Variants in CSMD1 observed in about 807,000 individuals in gnomAD.
CSMD1 encodes CUB and sushi domain-containing protein 1.
A neutral mutation model predicts 417.5 loss-of-function variants in CSMD1; 213 were observed. The ratio of observed to expected loss-of-function variants is 0.51; its 90% confidence interval spans 0.46 to 0.57. The LOEUF (loss-of-function observed/expected upper bound fraction) is 0.57, where lower values mean the gene tolerates loss of function less well. CSMD1 is among the 20% of genes least tolerant of loss of function. CSMD1 has a pLI of 0.00. For missense variants in CSMD1, 6,923 were observed against 4,529.7 expected, an observed-to-expected ratio of 1.53 and a Z score of -15.17; for synonymous variants, 2,862 against 1,736.8, an observed-to-expected ratio of 1.65 and a Z score of -16.11.
intron 6 of CSMD1, among the ~76,000 whole-genome samples, chr8:3,720,620 TACACACACACACACACAC>T (rs1554520854): frequency 7.0e-6 from 1 of 143,322 alleles, no homozygotes; most frequent in African/African-American, 2.6e-5. Context: ...TCTTTATTCT[TACACACACACACACACAC>T]ACACACACAC....
intron 5 of CSMD1, among the ~76,000 whole-genome samples, chr8:3,801,945 A>G (rs1255489230): frequency 6.6e-6 from 1 of 152,144 alleles, no homozygotes; most frequent in Non-Finnish European, 1.5e-5. Context: ...GGTAGAACAG[A>G]AAATGACTGA....
At chr8:4,785,420 C>A (rs1273899506) in intron 1 of CSMD1, among the ~76,000 whole-genome samples, 1 of 152,058 alleles carries the variant, frequency 6.6e-6, no homozygotes, top group Non-Finnish European at 1.5e-5. Flanking sequence ...CCAAAATGCC[C>A]CCACAGTGGG....
intron 5 of CSMD1, among the ~76,000 whole-genome samples, chr8:3,926,327 C>A (rs1174380688): frequency 6.6e-6 from 1 of 152,112 alleles, no homozygotes; most frequent in East Asian, 1.9e-4. Flanking sequence ...CAATCTATTA[C>A]ACACTATTTA....
At chr8:3,438,328 C>A (rs551039243) in intron 12 of CSMD1, among the ~76,000 whole-genome samples, 1 of 152,132 alleles carries the variant, frequency 6.6e-6, no homozygotes, top group South Asian at 2.1e-4. Flanking sequence ...ATAACATCAC[C>A]ACCAGTATAC....
chr8:4,232,314 T>C (rs78554847), intron 3 of CSMD1, among the ~76,000 whole-genome samples: 44 of 152,250 alleles, frequency 2.9e-4, no homozygotes, highest in African/African-American at 1.0e-3. Context: ...TTCTCCTGTC[T>C]CAGCCTCCCT....
chr8:4,105,295 C>A (rs1336323521), intron 3 of CSMD1, among the ~76,000 whole-genome samples: 1 of 151,930 alleles, frequency 6.6e-6, no homozygotes, highest in Admixed American at 6.6e-5. Context: ...ATTTTAACTT[C>A]ATTTCATTGC....
intron 1 of CSMD1, among the ~76,000 whole-genome samples, chr8:4,820,033 G>A (rs1414749817): frequency 2.6e-5 from 4 of 152,036 alleles, no homozygotes; most frequent in Non-Finnish European, 5.9e-5. Flanking sequence ...CCAATTCCAT[G>A]CTTCTCTTCC....
chr8:3,296,802 G>A (rs942469408), intron 25 of CSMD1, among the ~76,000 whole-genome samples: 13 of 152,106 alleles, frequency 8.5e-5, no homozygotes, highest in Admixed American at 4.6e-4. Flanking sequence ...ACTGAGAAAC[G>A]GTGCAGTATG....
chr8:4,146,592 ACATTTTTTTTTTT>A lies in CSMD1; in HGVS notation c.416-114506_416-114494del, dbSNP rs1483753515. 5.1e-3 allele frequency among the ~76,000 whole-genome samples: 292 copies of A among 56,888 alleles called. 21 individuals carry two copies. Among genetic ancestry groups the A allele is most frequent in the African/African-American group, 0.012 (275 of 22,834 alleles). 37.3% of individuals were successfully genotyped at this position (56,888 alleles called of 152,430 possible). On this transcript the variant is annotated intron_variant, in intron 3 of 69. Coordinates refer to ENST00000635120, the MANE Select transcript of CSMD1 (RefSeq NM_033225.6). ...TATCTGTCTAAATGTTTATATGGAC[ACATTTTTTTTTTT>A]TTTTTTTTTTTTTTTTTTTTTTTTG...
intron 6 of CSMD1, among the ~76,000 whole-genome samples, chr8:3,731,416 T>G (rs990354437): frequency 2.6e-5 from 4 of 152,150 alleles, no homozygotes; most frequent in African/African-American, 9.7e-5. Flanking sequence ...AGTGTGGGAT[T>G]CTTTACCTGG....
chr8:4,771,389 T>G (rs373792750), intron 1 of CSMD1, among the ~76,000 whole-genome samples: 1 of 152,356 alleles, frequency 6.6e-6, no homozygotes, highest in African/African-American at 2.4e-5. Flanking sequence ...ATTGCATTGC[T>G]ACTGCAGAGA....
chr8:3,482,743 T>G (rs935344213), intron 11 of CSMD1, among the ~76,000 whole-genome samples: 1 of 152,186 alleles, frequency 6.6e-6, no homozygotes, highest in African/African-American at 2.4e-5. Flanking sequence ...TAATAGATCT[T>G]GACATATTCA....
intron 5 of CSMD1, among the ~76,000 whole-genome samples, chr8:3,792,635 G>C (rs146028067): frequency 1.7e-3 from 259 of 152,248 alleles, no homozygotes; most frequent in African/African-American, 6.0e-3. Context: ...CAGGCAGTAA[G>C]TTAATCATTT....
intron 1 of CSMD1, among the ~76,000 whole-genome samples, chr8:4,993,769 G>A (rs1018329260): frequency 2.0e-5 from 3 of 152,214 alleles, no homozygotes; most frequent in African/African-American, 4.8e-5. Flanking sequence ...ACTCCTCGCC[G>A]GCTGAGGACG....
At chr8:4,578,156 A>G (rs1217973314) in intron 2 of CSMD1, among the ~76,000 whole-genome samples, 17 of 151,882 alleles carry the variant, frequency 1.1e-4, no homozygotes, top group Admixed American at 8.5e-4. Flanking sequence ...AGGCTGATAA[A>G]AGAGCATTTT....
intron 3 of CSMD1, among the ~76,000 whole-genome samples, chr8:4,393,079 G>C (rs569871498): frequency 6.6e-6 from 1 of 152,072 alleles, no homozygotes; most frequent in African/African-American, 2.4e-5. Flanking sequence ...GGGTTCAAGC[G>C]ATTCTCGTGC....
chr8:4,127,948 C>T (rs1411943814), intron 3 of CSMD1, among the ~76,000 whole-genome samples: 2 of 152,182 alleles, frequency 1.3e-5, no homozygotes, highest in Non-Finnish European at 2.9e-5. Flanking sequence ...ACTATTCTGT[C>T]TTGCAAAGCC....
intron 5 of CSMD1, among the ~76,000 whole-genome samples, chr8:3,909,092 C>G (rs920474030): frequency 3.3e-5 from 5 of 152,136 alleles, no homozygotes; most frequent in African/African-American, 9.7e-5. Flanking sequence ...GTGAACAAGT[C>G]CACTGGGCTG....
At chr8:4,697,042 C>T (rs1453325916) in intron 1 of CSMD1, among the ~76,000 whole-genome samples, 2 of 151,946 alleles carry the variant, frequency 1.3e-5, no homozygotes, top group Non-Finnish European at 1.5e-5. Flanking sequence ...CGTGGTGGTG[C>T]GTGCCTGTAA....
Sources: allele counts gnomAD v4.1 joint callset (sites outside exome capture counted in the v4.1 genomes callset), GRCh38; gene constraint gnomAD v4.1.1; transcripts MANE v1.5; gene names NCBI Gene and HGNC (gene_info 2026-07-23, HGNC 2026-07-21).